Variants in BMPR1B observed in about 807,000 individuals in gnomAD.
The protein encoded by BMPR1B is bone morphogenetic protein receptor type-1B.
In BMPR1B, 12 loss-of-function variants were observed where a neutral mutation model predicts 59.1. The observed-to-expected ratio is 0.20, with a 90% confidence interval of 0.13 to 0.33. The LOEUF (loss-of-function observed/expected upper bound fraction) is 0.33. BMPR1B is among the 10% of genes least tolerant of loss of function. The pLI is 1.00. For synonymous variants in BMPR1B, 237 were observed against 207.3 expected (o/e 1.14, Z -1.23); for missense variants, 550 against 610.9 (o/e 0.90, Z 1.05).
intron 2 of BMPR1B, among the ~76,000 whole-genome samples, chr4:94,947,445 A>C (rs922152052): frequency 2.6e-5 from 4 of 152,226 alleles, no homozygotes; most frequent in Non-Finnish European, 5.9e-5. Context: ...TTAAAAAAAT[A>C]GTCAGAATTC....
chr4:94,773,682 A>T (rs1722265433), intron 1 of BMPR1B, among the ~76,000 whole-genome samples: 1 of 152,078 alleles, frequency 6.6e-6, no homozygotes, highest in South Asian at 2.1e-4. Context: ...TACCAGAGAT[A>T]AAAAATACGC....
intron 1 of BMPR1B, among the ~76,000 whole-genome samples, chr4:94,870,860 G>A (rs958071390): frequency 9.9e-5 from 15 of 152,120 alleles, no homozygotes; most frequent in Admixed American, 7.9e-4. Context: ...ACGTTGGAAG[G>A]TGTCTTTTGG....
chr4:95,007,908 G>C (rs1352572164), intron 3 of BMPR1B, among the ~76,000 whole-genome samples: 6 of 152,224 alleles, frequency 3.9e-5, no homozygotes, highest in Non-Finnish European at 8.8e-5. Flanking sequence ...AAAAAGTTAT[G>C]AGAGTGTTAT....
chr4:95,051,513 T>C (rs1726498543), intron 3 of BMPR1B, among the ~76,000 whole-genome samples: 1 of 152,122 alleles, frequency 6.6e-6, no homozygotes, highest in South Asian at 2.1e-4. Flanking sequence ...AGGTGATCAG[T>C]TGAAGTCTCT....
chr4:95,061,738 T>C (rs1727413429), intron 3 of BMPR1B, among the ~76,000 whole-genome samples: 2 of 152,140 alleles, frequency 1.3e-5, no homozygotes, highest in African/African-American at 4.8e-5. Flanking sequence ...AGATTTGGCC[T>C]TAGGATTGTT....
intron 2 of BMPR1B, among the ~76,000 whole-genome samples, chr4:94,989,354 A>C (rs921971494): frequency 6.7e-6 from 1 of 149,284 alleles, no homozygotes; most frequent in Non-Finnish European, 1.5e-5. Context: ...GTGCTACTGC[A>C]CTCCAGCCTG....
At chr4:95,143,105 A>G (rs1734370930) in intron 10 of BMPR1B, among the ~76,000 whole-genome samples, 1 of 152,062 alleles carries the variant, frequency 6.6e-6, no homozygotes, top group African/African-American at 2.4e-5. Flanking sequence ...CTCCACTTTC[A>G]GCCTTTCTGC....
rs763655134 is a variant in BMPR1B at position 94,975,363 on chromosome 4, G to GTTTTTTT, written c.-112-20665_-112-20659dup. Reference sequence around the variant, plus strand: ...AAAATCTTAATTTCCTTTTGTTTTTGTTTTTTTTTTTTTTTTTTGAGACGG... The same window carrying GTTTTTTT: ...AAAATCTTAATTTCCTTTTGTTTTTGTTTTTTTTTTTTTTTTTTTTTTTTTGAGACGG... On this transcript the variant is annotated intron_variant, in intron 2 of 12. Transcript: ENST00000515059. Among the ~76,000 whole-genome samples, 332 of 111,556 alleles carry GTTTTTTT rather than the reference G, an allele frequency of 3.0e-3. 6 individuals carry two copies. The highest frequency in any genetic ancestry group is 3.5e-3 in the African/African-American group (108 of 30,706). 73.2% of individuals were successfully genotyped at this position (111,556 alleles called of 152,430 possible).
intron 2 of BMPR1B, among the ~76,000 whole-genome samples, chr4:94,887,098 GA>G (rs1450987903): frequency 1.3e-5 from 2 of 151,874 alleles, no homozygotes; most frequent in East Asian, 3.9e-4. Flanking sequence ...AGAAAAGAAG[GA>G]AAAGGGTTAA....
intron 1 of BMPR1B, among the ~76,000 whole-genome samples, chr4:94,837,791 C>A (rs1387941529): frequency 7.0e-6 from 1 of 143,596 alleles, no homozygotes; most frequent in African/African-American, 2.6e-5. Context: ...ACTTCCAACA[C>A]CATGTTGAAT....
At chr4:94,994,302 T>C (rs187247596) in intron 2 of BMPR1B, among the ~76,000 whole-genome samples, 1 of 152,318 alleles carries the variant, frequency 6.6e-6, no homozygotes, top group Admixed American at 6.5e-5. Flanking sequence ...GCAAGAAAGA[T>C]CTATTTGAAG....
At chr4:94,885,554 T>C (rs942249172) in intron 2 of BMPR1B, among the ~76,000 whole-genome samples, 2 of 152,158 alleles carry the variant, frequency 1.3e-5, no homozygotes, top group African/African-American at 4.8e-5. Context: ...GAAACTTTAT[T>C]TTTCAAACTT....
At chr4:94,970,710 C>T (rs902520263) in intron 2 of BMPR1B, among the ~76,000 whole-genome samples, 3 of 152,094 alleles carry the variant, frequency 2.0e-5, no homozygotes, top group African/African-American at 7.2e-5. Flanking sequence ...TTGATAGCAT[C>T]ACACAATGTG....
At chr4:94,776,257 A>G (rs954943625) in intron 1 of BMPR1B, among the ~76,000 whole-genome samples, 2 of 152,150 alleles carry the variant, frequency 1.3e-5, no homozygotes, top group Non-Finnish European at 2.9e-5. Flanking sequence ...TATATTATCT[A>G]TACAAAAGAA....
intron 1 of BMPR1B, among the ~76,000 whole-genome samples, chr4:94,870,200 C>T (rs187616549): frequency 6.6e-6 from 1 of 152,108 alleles, no homozygotes; most frequent in African/African-American, 2.4e-5. Context: ...AACTTCATGC[C>T]GTATTTGGGC....
intron 10 of BMPR1B, among the ~76,000 whole-genome samples, chr4:95,137,109 G>T (rs934597038): frequency 4.6e-5 from 7 of 152,150 alleles, no homozygotes; most frequent in African/African-American, 1.7e-4. Context: ...TGGTATGTTT[G>T]TGTCTTTGTT....
chr4:95,091,340 A>G, intron 3 of BMPR1B: 1 of 376,190 alleles, frequency 2.7e-6, no homozygotes, highest in Non-Finnish European at 3.6e-6. Context: ...TTACCTTTCC[A>G]CTGTCATATG....
intron 2 of BMPR1B, among the ~76,000 whole-genome samples, chr4:94,935,647 T>TTGA (rs1222640938): frequency 6.6e-6 from 1 of 152,162 alleles, no homozygotes; most frequent in Non-Finnish European, 1.5e-5. Flanking sequence ...AGGGCATGGC[T>TTGA]TTCAGAGAGG....
At chr4:94,871,856 C>T (rs991714118) in intron 1 of BMPR1B, among the ~76,000 whole-genome samples, 22 of 152,092 alleles carry the variant, frequency 1.4e-4, no homozygotes, top group African/African-American at 5.3e-4. Context: ...GTATGCATTG[C>T]TGAAATACCC....
Sources: gnomAD v4.1 joint callset for allele counts (sites outside exome capture counted in the v4.1 genomes callset) on GRCh38, gnomAD v4.1.1 for gene constraint, MANE v1.5 for transcripts, NCBI Gene and HGNC (gene_info 2026-07-23, HGNC 2026-07-21) for gene names.